ABCA5: variants seen among roughly 807,000 people sequenced by gnomAD.
The protein encoded by ABCA5 is ATP binding cassette subfamily A member 5, also known as cholesterol transporter ABCA5.
Under a neutral mutation model 206.0 loss-of-function variants are expected in ABCA5, and 163 were observed. The ratio of observed to expected loss-of-function variants is 0.79; its 90% confidence interval spans 0.70 to 0.90. The LOEUF (loss-of-function observed/expected upper bound fraction) is 0.90. ABCA5 is among the 40% of genes least tolerant of loss of function. The pLI, the probability that ABCA5 is intolerant of heterozygous loss-of-function variation, is 0.00. For missense variants in ABCA5, 1,859 were observed against 1,912.9 expected (o/e 0.97, Z 0.53); for synonymous variants, 609 against 613.8 (o/e 0.99, Z 0.11).
intron 1 of ABCA5, among the ~76,000 whole-genome samples, chr17:69,323,898 A>G (rs1431187681): frequency 6.6e-6 from 1 of 152,184 alleles, no homozygotes; most frequent in African/African-American, 2.4e-5. Context: ...AATAATAATA[A>G]TATCTTGTGA....
In ABCA5 at chr17:69,307,008, C is replaced by T. The variant is rs1339474749; in HGVS notation, c.559-54G>A. ...ATTAATTTAGTTATGATAGCAGCCC[C>T]TAGTAAAACGGGACAGCTATATCCC... On this transcript the variant is annotated intron_variant, in intron 5 of 38. Coordinates refer to ENST00000392676, the MANE Select transcript of ABCA5 (RefSeq NM_172232.4). 11 of 1,305,850 alleles carry T rather than the reference C, an allele frequency of 8.4e-6. No individual in the cohort carries two copies. The East Asian group carries it at 2.9e-4, about 34-fold the overall frequency. 80.9% of individuals were successfully genotyped at this position (1,305,850 alleles called of 1,614,324 possible). A position where few individuals can be genotyped will look rare whatever the true frequency, so the allele number is the denominator to read the frequency against.
intron 18 of ABCA5, among the ~76,000 whole-genome samples, chr17:69,278,212 GAA>G (rs10538802): frequency 0.018 from 2,816 of 152,230 alleles, 86 homozygotes; most frequent in African/African-American, 0.063. Context: ...CATTTTGAGT[GAA>G]AGAGGACAGA....
intron 11 of ABCA5, among the ~76,000 whole-genome samples, chr17:69,292,578 A>G (rs2075540550): frequency 6.6e-6 from 1 of 152,198 alleles, no homozygotes; most frequent in Admixed American, 6.5e-5. Context: ...TCCAATCTGG[A>G]TGCCTTTTAT....
intron 28 of ABCA5, among the ~76,000 whole-genome samples, chr17:69,257,688 A>G (rs2075098866): frequency 6.6e-6 from 1 of 152,002 alleles, no homozygotes; most frequent in Non-Finnish European, 1.5e-5. Context: ...CCCCAAAAAT[A>G]TACCACTGAG....
At position 69,284,092 on chromosome 17, in the gene ABCA5, G is replaced by A. The variant is rs746752223; in HGVS notation, c.2273-20C>T. Reference sequence around the variant, plus strand: ...ACAAACCTAAAAGAAAAAAATGAAAGAATAGTATATCTTTAAGCATATTAT... The same window carrying A: ...ACAAACCTAAAAGAAAAAAATGAAAAAATAGTATATCTTTAAGCATATTAT... On this transcript the variant is annotated intron_variant, in intron 17 of 38. Coordinates refer to ENST00000392676, the MANE Select transcript of ABCA5 (RefSeq NM_172232.4). 7.3e-6 allele frequency: 11 copies of A among 1,514,700 alleles called. No homozygotes were observed. The highest frequency in any genetic ancestry group is 2.5e-5 in the East Asian group (1 of 40,138). The allele number at this position is 1,514,700 out of a possible 1,614,324, so 93.8% of individuals were successfully genotyped here.
intron 1 of ABCA5, among the ~76,000 whole-genome samples, chr17:69,323,432 T>A (rs1409824757): frequency 1.3e-5 from 2 of 152,238 alleles, no homozygotes; most frequent in Non-Finnish European, 2.9e-5. Flanking sequence ...ATTTACCTCA[T>A]CCTTCAGGAG....
intron 34 of ABCA5, among the ~76,000 whole-genome samples, chr17:69,252,152 C>T (rs1004314236): frequency 4.0e-5 from 6 of 151,518 alleles, no homozygotes; most frequent in African/African-American, 1.5e-4. Flanking sequence ...GCTGGGACTA[C>T]AGGTGCCTGC....
intron 26 of ABCA5, among the ~76,000 whole-genome samples, chr17:69,260,652 A>G (rs559201798): frequency 6.6e-6 from 1 of 152,068 alleles, no homozygotes; most frequent in East Asian, 1.9e-4. Context: ...AGGATTAGTA[A>G]GTAGAATTAA....
Position 69,244,844 on chromosome 17 carries a change from C to T in ABCA5, c.*2693G>A, listed in dbSNP as rs1287134066. 6.6e-6 allele frequency: 1 copy of T among 150,430 alleles called. No individual in the cohort carries two copies. The highest frequency in any genetic ancestry group is 2.4e-5 in the African/African-American group (1 of 41,146). 9.3% of individuals were successfully genotyped at this position (150,430 alleles called of 1,614,324 possible). ...CTCCTATAAAACGTTGTTAGTACTA[C>T]TAGCAAAGGATTTGTCATATTATAG... On this transcript the variant is annotated 3_prime_UTR_variant, in exon 39 of 39. Transcript: ENST00000392676.
intron 22 of ABCA5, 113 bp downstream of exon 22, chr17:69,270,499 TA>T: frequency 9.9e-7 from 1 of 1,014,116 alleles, no homozygotes; most frequent in Non-Finnish European, 1.4e-6. Context: ...TTAAGAAGTC[TA>T]AGAGATCTCA....
At chr17:69,250,726 G>A in intron 35 of ABCA5, 105 bp from the exon 36 acceptor site, 1 of 803,594 alleles carries the variant, frequency 1.2e-6, no homozygotes, top group Non-Finnish European at 1.8e-6. Context: ...TTTATATTTA[G>A]AGAAAAATTA....
At chr17:69,295,227 C>A (rs1188216245) in intron 10 of ABCA5, among the ~76,000 whole-genome samples, 1 of 152,196 alleles carries the variant, frequency 6.6e-6, no homozygotes, top group African/African-American at 2.4e-5. Context: ...ACCGCACCCA[C>A]AGACCTCAAT....
At chr17:69,320,259 T>TA (rs1484219800) in intron 1 of ABCA5, among the ~76,000 whole-genome samples, 2 of 151,702 alleles carry the variant, frequency 1.3e-5, no homozygotes, top group East Asian at 3.9e-4. Context: ...CTGATAGAAA[T>TA]AAAAAAGCAC....
At chr17:69,317,331 C>T (rs1304718346) in intron 1 of ABCA5, 1 of 134,056 alleles carries the variant, frequency 7.5e-6, no homozygotes, top group Non-Finnish European at 1.5e-5. Context: ...ATCTGGGAGG[C>T]AGAGGTTGCA....
intron 11 of ABCA5, among the ~76,000 whole-genome samples, chr17:69,293,384 T>C (rs1480296576): frequency 6.6e-6 from 1 of 152,134 alleles, no homozygotes. Flanking sequence ...GTTTCATTCT[T>C]GAGGCAGAAC....
At chr17:69,254,537 G>C (rs1390908788) in intron 31 of ABCA5, 47 bp from the exon 32 acceptor site, 1 of 1,505,738 alleles carries the variant, frequency 6.6e-7, no homozygotes, top group Non-Finnish European at 9.1e-7. Context: ...AATTTACACT[G>C]TGAAGGAAGT....
At position 69,314,751 on chromosome 17, in the gene ABCA5, G is replaced by A. The variant is rs564887524; in HGVS notation, c.-15-321C>T. 14 of 205,776 alleles carry A rather than the reference G, an allele frequency of 6.8e-5. No individual in the cohort carries two copies. In the South Asian group the frequency reaches 2.3e-3, roughly 34 times the overall value. 12.7% of individuals were successfully genotyped at this position (205,776 alleles called of 1,614,324 possible). On this transcript the variant is annotated intron_variant, in intron 1 of 38. Transcript: ENST00000392676. ...AGCCTTAGCTTTGAATTGAGGAATGGGCAAGGGAAGTCTTAATGCTCAGGG... is the reference window on the plus strand; with the variant it reads ...AGCCTTAGCTTTGAATTGAGGAATGAGCAAGGGAAGTCTTAATGCTCAGGG...
At chr17:69,277,125 T>G (rs921045600) in intron 19 of ABCA5, among the ~76,000 whole-genome samples, 1 of 152,220 alleles carries the variant, frequency 6.6e-6, no homozygotes, top group African/African-American at 2.4e-5. Flanking sequence ...AGATGTCATT[T>G]TGATCCCAGA....
At chr17:69,273,441 T>TTTATTTATTTATTTATTTATTTA (rs1242748022) in intron 20 of ABCA5, among the ~76,000 whole-genome samples, 1 of 45,106 alleles carries the variant, frequency 2.2e-5, no homozygotes, top group Admixed American at 2.4e-4. Flanking sequence ...GTATAAATTT[T>TTTATTTATTTATTTATTTATTTA]TTTAACTATT....
Sources: gnomAD v4.1 joint callset for allele counts (sites outside exome capture counted in the v4.1 genomes callset) on GRCh38, gnomAD v4.1.1 for gene constraint, MANE v1.5 for transcripts, NCBI Gene and HGNC (gene_info 2026-07-23, HGNC 2026-07-21) for gene names.